Variants in CNBD1 observed in about 807,000 individuals in gnomAD.
CNBD1 encodes the protein cyclic nucleotide binding domain containing 1.
A neutral mutation model predicts 54.4 loss-of-function variants in CNBD1; 71 were observed. That is an observed-to-expected ratio of 1.30 (90% confidence interval 1.08 to 1.59). The LOEUF (loss-of-function observed/expected upper bound fraction) is 1.59, where lower values mean the gene tolerates loss of function less well. CNBD1 is among the 40% of genes most tolerant of loss of function. The pLI, the probability that CNBD1 is intolerant of heterozygous loss-of-function variation, is 0.00. For missense variants in CNBD1, 659 were observed against 518.0 expected (o/e 1.27, Z -2.64); for synonymous variants, 182 against 170.7 (o/e 1.07, Z -0.51).
At position 87,284,715 on chromosome 8, in the gene CNBD1, T is replaced by C. The variant is rs369992322; in HGVS notation, c.809T>C (p.Met270Thr). The C allele has an allele frequency of 7.5e-6, 12 of 1,605,836 alleles. No homozygotes were observed. Among genetic ancestry groups the C allele is most frequent in the Non-Finnish European group, 1.0e-5 (12 of 1,176,386 alleles). Residue 270 changes from methionine (M) to threonine (T), a missense_variant, in exon 7 of 11, where the codon ATG becomes ACG. Transcript: ENST00000518476. Reference protein sequence around the residue: ...KWSTFGTLEVMPQNESETQMF... With the variant: ...KWSTFGTLEVTPQNESETQMF... Reference sequence around the variant, plus strand: ...AGTACCTTTGGGACTCTGGAAGTTATGCCTCAGAATGAATCGGAAACACAG... The same window carrying C: ...AGTACCTTTGGGACTCTGGAAGTTACGCCTCAGAATGAATCGGAAACACAG...
intron 8 of CNBD1, among the ~76,000 whole-genome samples, chr8:87,312,430 AAC>A (rs1366134297): frequency 6.6e-6 from 1 of 151,994 alleles, no homozygotes; most frequent in African/African-American, 2.4e-5. Context: ...TTGGGTCCCA[AAC>A]ACATGTTAAT....
At chr8:86,939,966 C>T (rs139205203) in intron 4 of CNBD1, 61 of 357,708 alleles carry the variant, frequency 1.7e-4, no homozygotes, top group African/African-American at 9.4e-4. Flanking sequence ...GGATATAATG[C>T]TAAACTTGTG....
chr8:87,389,052 C>G (rs946409115), intron 2 of CNBD1, among the ~76,000 whole-genome samples: 1 of 152,106 alleles, frequency 6.6e-6, no homozygotes, highest in East Asian at 1.9e-4. Flanking sequence ...ACTCAAGAGC[C>G]CTTGATGCTA....
At chr8:87,132,680 T>G (rs955414730) in intron 4 of CNBD1, among the ~76,000 whole-genome samples, 1 of 147,572 alleles carries the variant, frequency 6.8e-6, no homozygotes, top group Non-Finnish European at 1.5e-5. Flanking sequence ...ATGATATATC[T>G]TATATATATC....
At chr8:87,091,175 A>C (rs1436000058) in intron 4 of CNBD1, among the ~76,000 whole-genome samples, 2 of 151,236 alleles carry the variant, frequency 1.3e-5, no homozygotes, top group Non-Finnish European at 2.9e-5. Context: ...ATCTAGCCTC[A>C]TAGAGTCTTT....
intron 8 of CNBD1, among the ~76,000 whole-genome samples, chr8:87,330,021 G>C (rs536286056): frequency 6.6e-6 from 1 of 151,878 alleles, no homozygotes; most frequent in Non-Finnish European, 1.5e-5. Context: ...TATTTTAACT[G>C]TAGGGTTTTT....
intron 6 of CNBD1, among the ~76,000 whole-genome samples, chr8:87,269,296 T>C (rs1254116784): frequency 6.6e-6 from 1 of 152,054 alleles, no homozygotes; most frequent in Non-Finnish European, 1.5e-5. Context: ...TCTTTTGTAC[T>C]AGTACTATGC....
At chr8:87,346,143 G>A (rs1238913312) in intron 8 of CNBD1, among the ~76,000 whole-genome samples, 1 of 152,022 alleles carries the variant, frequency 6.6e-6, no homozygotes, top group Non-Finnish European at 1.5e-5. Flanking sequence ...CCTGATTTAA[G>A]TGATTCTCCT....
chr8:87,054,026 C>G (rs748537553), intron 4 of CNBD1, among the ~76,000 whole-genome samples: 1 of 152,226 alleles, frequency 6.6e-6, no homozygotes, highest in African/African-American at 2.4e-5. Context: ...ATCTGCCTTT[C>G]AAGGGCAATT....
chr8:86,878,394 A>G (rs887800310), intron 1 of CNBD1, among the ~76,000 whole-genome samples: 6 of 152,094 alleles, frequency 3.9e-5, no homozygotes, highest in African/African-American at 1.2e-4. Flanking sequence ...AACACTTTTC[A>G]TCAACTTTGT....
intron 4 of CNBD1, among the ~76,000 whole-genome samples, chr8:87,184,934 A>T (rs993054340): frequency 1.3e-5 from 2 of 152,086 alleles, no homozygotes; most frequent in Non-Finnish European, 2.9e-5. Flanking sequence ...TTTCATTTTA[A>T]TTTATTTTAA....
At chr8:87,370,557 C>T (rs1200474537) in intron 10 of CNBD1, among the ~76,000 whole-genome samples, 1 of 152,060 alleles carries the variant, frequency 6.6e-6, no homozygotes, top group East Asian at 1.9e-4. Flanking sequence ...GTCCTTTGCC[C>T]ACTTTTTGAT....
rs144616032 is a variant in CNBD1 at position 87,263,547 on chromosome 8, TG to T, written c.772-21130del. 8.3e-3 allele frequency among the ~76,000 whole-genome samples: 1,268 copies of T among 152,250 alleles called. 19 individuals are homozygous for T. The highest frequency in any genetic ancestry group is 0.029 in the African/African-American group (1,204 of 41,546). On this transcript the variant is annotated intron_variant, in intron 6 of 10. Coordinates refer to ENST00000518476, the MANE Select transcript of CNBD1 (RefSeq NM_173538.3). ...TTTTCAGTAAAATTAGGTAAGTAAT[TG>T]TTTTTTTCAAAGCGTTTACATTATA...
Position 87,378,358 on chromosome 8 carries a change from A to G in CNBD1, c.1304-4262A>G, listed in dbSNP as rs928635083. Reference sequence around the variant, plus strand: ...AGGTGTAAGGAAGGGATCCAGTTTCAGCTTTCTACATATGGCTAGCCAGTT... The same window carrying G: ...AGGTGTAAGGAAGGGATCCAGTTTCGGCTTTCTACATATGGCTAGCCAGTT... On this transcript the variant is annotated intron_variant, in intron 10 of 10. Coordinates refer to ENST00000518476, the MANE Select transcript of CNBD1 (RefSeq NM_173538.3). Among the ~76,000 whole-genome samples the G allele has an allele frequency of 8.7e-5, 13 of 149,068 alleles. No individual in the cohort carries two copies. The Middle Eastern group carries it at 0.017, about 199-fold the overall frequency.
chr8:87,043,667 A>G (rs560236287), intron 4 of CNBD1, among the ~76,000 whole-genome samples: 1 of 152,314 alleles, frequency 6.6e-6, no homozygotes, highest in South Asian at 2.1e-4. Context: ...ATCCAGAATC[A>G]GAAGACTCAT....
At chr8:87,265,782 C>A (rs1341478008) in intron 6 of CNBD1, among the ~76,000 whole-genome samples, 1 of 151,986 alleles carries the variant, frequency 6.6e-6, no homozygotes, top group Admixed American at 6.6e-5. Flanking sequence ...ATATGGTCTG[C>A]AAAACTGAAA....
chr8:87,395,401 G>A (rs1811391416), intron 2 of CNBD1, among the ~76,000 whole-genome samples: 1 of 151,816 alleles, frequency 6.6e-6, no homozygotes. Context: ...GAGGAATATA[G>A]CATATGTTAT....
chr8:87,325,607 C>G (rs1809650057), intron 8 of CNBD1, among the ~76,000 whole-genome samples: 1 of 135,686 alleles, frequency 7.4e-6, no homozygotes, highest in African/African-American at 2.9e-5. Flanking sequence ...TCTGTTTTAT[C>G]AGAGACTAGG....
intron 1 of CNBD1, among the ~76,000 whole-genome samples, chr8:86,885,634 A>G (rs1406001220): frequency 6.6e-6 from 1 of 152,176 alleles, no homozygotes; most frequent in Non-Finnish European, 1.5e-5. Context: ...TCATGTTGAA[A>G]CCTTTGGCTT....
Sources: gnomAD v4.1 joint callset for allele counts (sites outside exome capture counted in the v4.1 genomes callset) on GRCh38, gnomAD v4.1.1 for gene constraint, MANE v1.5 for transcripts, NCBI Gene and HGNC (gene_info 2026-07-23, HGNC 2026-07-21) for gene names.